Variants in KCTD16 observed in about 807,000 individuals in gnomAD.
KCTD16 encodes the protein BTB/POZ domain-containing protein KCTD16.
In KCTD16, 13 loss-of-function variants were observed where a neutral mutation model predicts 33.2. That is an observed-to-expected ratio of 0.39 (90% CI 0.25 to 0.62). KCTD16 has a LOEUF of 0.62. KCTD16 is among the 20% of genes least tolerant of loss of function. The pLI, the probability that KCTD16 is intolerant of heterozygous loss-of-function variation, is 0.50. For missense variants in KCTD16, 441 were observed against 525.1 expected, an observed-to-expected ratio of 0.84 and a Z score of 1.57; for synonymous variants, 197 against 195.3, an observed-to-expected ratio of 1.01 and a Z score of -0.07.
chr5:144,263,428 T>C (rs1755064036), intron 3 of KCTD16, among the ~76,000 whole-genome samples: 1 of 152,204 alleles, frequency 6.6e-6, no homozygotes, highest in Admixed American at 6.5e-5. Flanking sequence ...CTAATCTTCC[T>C]TTTCTATGAA....
intron 3 of KCTD16, among the ~76,000 whole-genome samples, chr5:144,358,315 G>C (rs1459087821): frequency 6.6e-6 from 1 of 152,088 alleles, no homozygotes; most frequent in East Asian, 1.9e-4. Context: ...TTGGACATAG[G>C]CATTTGCAGA....
chr5:144,417,867 C>T lies in KCTD16; in HGVS notation c.833-55793C>T, dbSNP rs560270297. 2.6e-5 allele frequency among the ~76,000 whole-genome samples: 4 copies of T among 152,198 alleles called. No homozygotes were observed. In the East Asian group the frequency reaches 7.7e-4, roughly 29 times the overall value. ...TTGAAGATGTGTCTGGAATTGGTTC[C>T]TTCCTGTGGATTCCTGGTCTTGCTG... On this transcript the variant is annotated intron_variant, in intron 3 of 3. Transcript: ENST00000512467.
At chr5:144,444,859 G>T (rs905401962) in intron 3 of KCTD16, among the ~76,000 whole-genome samples, 2 of 149,938 alleles carry the variant, frequency 1.3e-5, no homozygotes, top group East Asian at 1.9e-4. Context: ...ATATATATGT[G>T]TGTGTGCATG....
At position 144,228,167 on chromosome 5, in the gene KCTD16, G is replaced by C. The variant is rs1468052926; in HGVS notation, c.832+20621G>C. ...GGAAGTAATGCAGTAAGAAAAGAGAGTAGGTCCGAGAATGGAGGTCTAAGC... is the reference window on the plus strand; with the variant it reads ...GGAAGTAATGCAGTAAGAAAAGAGACTAGGTCCGAGAATGGAGGTCTAAGC... On this transcript the variant is annotated intron_variant, in intron 3 of 3. Transcript: ENST00000512467. Among the ~76,000 whole-genome samples, 7 of 152,268 alleles carry C rather than the reference G, an allele frequency of 4.6e-5. No individual in the cohort carries two copies. In the East Asian group the frequency reaches 1.4e-3, roughly 29 times the overall value.
At chr5:144,465,567 G>C (rs1008670162) in intron 3 of KCTD16, among the ~76,000 whole-genome samples, 2 of 151,990 alleles carry the variant, frequency 1.3e-5, no homozygotes, top group African/African-American at 2.4e-5. Context: ...TACTGTGGTC[G>C]TGTAGGTCTG....
At chr5:144,249,004 C>G (rs1580819145) in intron 3 of KCTD16, among the ~76,000 whole-genome samples, 1 of 152,118 alleles carries the variant, frequency 6.6e-6, no homozygotes, top group Non-Finnish European at 1.5e-5. Flanking sequence ...GAAATCAGAT[C>G]GAGTCACTCT....
intron 3 of KCTD16, among the ~76,000 whole-genome samples, chr5:144,401,065 C>T (rs555510340): frequency 1.3e-5 from 2 of 152,110 alleles, no homozygotes; most frequent in Non-Finnish European, 2.9e-5. Context: ...AGGTAAGGAT[C>T]AAGTGTGAAT....
At chr5:144,349,830 C>T (rs1273517646) in intron 3 of KCTD16, among the ~76,000 whole-genome samples, 1 of 152,176 alleles carries the variant, frequency 6.6e-6, no homozygotes, top group Non-Finnish European at 1.5e-5. Flanking sequence ...TCTCTGTGAC[C>T]ATGGAATCCT....
intron 2 of KCTD16, among the ~76,000 whole-genome samples, chr5:144,178,851 A>G (rs900556674): frequency 6.6e-6 from 1 of 152,160 alleles, no homozygotes; most frequent in Non-Finnish European, 1.5e-5. Context: ...CTGGAAATTA[A>G]ATGTCTCAAC....
chr5:144,184,058 A>G (rs535720759), intron 2 of KCTD16, among the ~76,000 whole-genome samples: 9 of 152,364 alleles, frequency 5.9e-5, no homozygotes, highest in Middle Eastern at 3.4e-3. Context: ...CTACAGAACT[A>G]TAAAGACGTA....
intron 3 of KCTD16, among the ~76,000 whole-genome samples, chr5:144,343,141 T>C (rs1430321988): frequency 6.6e-6 from 1 of 152,236 alleles, no homozygotes. Context: ...TGGAATAGTT[T>C]CAGAAGGAAT....
chr5:144,303,312 G>T (rs1751495329), intron 3 of KCTD16, among the ~76,000 whole-genome samples: 1 of 152,214 alleles, frequency 6.6e-6, no homozygotes, highest in African/African-American at 2.4e-5. Flanking sequence ...AGCTGGGGAA[G>T]TGATTCTTTT....
intron 3 of KCTD16, among the ~76,000 whole-genome samples, chr5:144,459,127 G>A (rs987583598): frequency 6.6e-6 from 1 of 152,172 alleles, no homozygotes; most frequent in South Asian, 2.1e-4. Context: ...CTGTCAGAAA[G>A]TAATCTTTGT....
At position 144,403,573 on chromosome 5, in the gene KCTD16, GAA is replaced by G. The variant is rs1178077446; in HGVS notation, c.833-70086_833-70085del. On this transcript the variant is annotated intron_variant, in intron 3 of 3. Transcript: ENST00000512467. The stretch of plus-strand genomic sequence containing the variant: ...TTCTCCCTCTGAGGCTGCCAAGAAG[GAA>G]CCACCCTGGTGATGCACTGGTTGTC... 3.5e-4 allele frequency among the ~76,000 whole-genome samples: 53 copies of G among 152,324 alleles called. 1 individual carries two copies. The highest frequency in any genetic ancestry group is 6.8e-3 in the Middle Eastern group (2 of 294).
At chr5:144,280,058 T>G (rs1755556161) in intron 3 of KCTD16, among the ~76,000 whole-genome samples, 1 of 152,214 alleles carries the variant, frequency 6.6e-6, no homozygotes, top group African/African-American at 2.4e-5. Flanking sequence ...TGTTACTGGA[T>G]TTGACTTTTT....
At chr5:144,469,785 A>G (rs1448035475) in intron 3 of KCTD16, among the ~76,000 whole-genome samples, 2 of 152,002 alleles carry the variant, frequency 1.3e-5, no homozygotes, top group East Asian at 1.9e-4. Flanking sequence ...ATATGTGTTC[A>G]GCTCATTCAC....
In KCTD16 at chr5:144,263,709, C is replaced by G. The variant is rs565614880; in HGVS notation, c.832+56163C>G. ...TGCAGTTTGGGAAAGTAGTTCAGACCAATTATTCCATCTGTTTTAGTCAGC... is the reference window on the plus strand; with the variant it reads ...TGCAGTTTGGGAAAGTAGTTCAGACGAATTATTCCATCTGTTTTAGTCAGC... On this transcript the variant is annotated intron_variant, in intron 3 of 3. Transcript: ENST00000512467. Among the ~76,000 whole-genome samples the G allele has an allele frequency of 2.0e-5, 3 of 152,102 alleles. No individual in the cohort carries two copies. The East Asian group carries it at 5.8e-4, about 29-fold the overall frequency.
intron 3 of KCTD16, among the ~76,000 whole-genome samples, chr5:144,301,259 AAAG>A (rs1433675769): frequency 6.6e-6 from 1 of 151,704 alleles, no homozygotes; most frequent in African/African-American, 2.4e-5. Flanking sequence ...AAAAAAAAAA[AAAG>A]ATCGTGAAGG....
At chr5:144,327,214 T>G (rs1336628480) in intron 3 of KCTD16, among the ~76,000 whole-genome samples, 2 of 152,184 alleles carry the variant, frequency 1.3e-5, no homozygotes, top group Non-Finnish European at 2.9e-5. Context: ...GCTAAGAACC[T>G]ATGTTCTAGT....
Sources: allele counts gnomAD v4.1 joint callset (sites outside exome capture counted in the v4.1 genomes callset), GRCh38; gene constraint gnomAD v4.1.1; transcripts MANE v1.5; gene names NCBI Gene and HGNC (gene_info 2026-07-23, HGNC 2026-07-21).